TSPAN18: variants seen among roughly 807,000 people sequenced by gnomAD.
The protein encoded by TSPAN18 is tetraspanin-18.
In TSPAN18, 14 loss-of-function variants were observed where a neutral mutation model predicts 27.3. The observed-to-expected ratio is 0.51, with a 90% CI of 0.34 to 0.80. The LOEUF is 0.80. TSPAN18 is among the 30% of genes least tolerant of loss of function. The pLI is 0.01. For missense variants in TSPAN18, 268 were observed against 323.9 expected, an observed-to-expected ratio of 0.83 and a Z score of 1.32; for synonymous variants, 143 against 136.5, an observed-to-expected ratio of 1.05 and a Z score of -0.33.
rs1490629534 is a variant in TSPAN18, at chr11:44,815,060, G to T, written c.-152-45268G>T. Among the ~76,000 whole-genome samples the T allele has an allele frequency of 2.6e-5, 4 of 152,284 alleles. No homozygotes were observed. In the East Asian group the frequency reaches 7.7e-4, roughly 29 times the overall value. On this transcript the variant is annotated intron_variant, in intron 2 of 9. Coordinates refer to ENST00000520358, the MANE Select transcript of TSPAN18 (RefSeq NM_130783.5). ...AGATAGAAAGGTGCTTGGCGTGGGA[G>T]CATGGCAGTGGGAAGATTAGAGTGG...
chr11:44,812,096 T>C (rs1856730444), intron 2 of TSPAN18, among the ~76,000 whole-genome samples: 2 of 152,214 alleles, frequency 1.3e-5, no homozygotes, highest in South Asian at 4.1e-4. Flanking sequence ...CCCAGGTCTC[T>C]GCCAGGTGGG....
chr11:44,822,583 C>T (rs1856949807), intron 2 of TSPAN18, among the ~76,000 whole-genome samples: 1 of 151,862 alleles, frequency 6.6e-6, no homozygotes, highest in South Asian at 2.1e-4. Context: ...CACATGACCA[C>T]ATAGGTGCAA....
chr11:44,788,603 A>G (rs577058692), intron 2 of TSPAN18, among the ~76,000 whole-genome samples: 45 of 151,988 alleles, frequency 3.0e-4, no homozygotes, highest in African/African-American at 1.1e-3. Flanking sequence ...GATTACAGGC[A>G]TGTGCCACCA....
intron 2 of TSPAN18, among the ~76,000 whole-genome samples, chr11:44,849,378 G>A (rs1181282817): frequency 6.6e-6 from 1 of 152,214 alleles, no homozygotes; most frequent in African/African-American, 2.4e-5. Flanking sequence ...GGAAGCAGAA[G>A]GCAGAAGAAG....
chr11:44,897,614 T>A, intron 3 of TSPAN18: 5 of 448,892 alleles, frequency 1.1e-5, no homozygotes, highest in South Asian at 9.4e-5. Context: ...TTTCATGAGC[T>A]CTAATGGGCC....
chr11:44,791,873 C>T (rs899897679), intron 2 of TSPAN18, among the ~76,000 whole-genome samples: 7 of 152,226 alleles, frequency 4.6e-5, no homozygotes, highest in Non-Finnish European at 1.0e-4. Flanking sequence ...TGTCACAGCA[C>T]TCACAGCAGA....
chr11:44,835,604 C>T (rs1305264892), intron 2 of TSPAN18, among the ~76,000 whole-genome samples: 1 of 150,830 alleles, frequency 6.6e-6, no homozygotes, highest in African/African-American at 2.4e-5. Context: ...TGTCTCTTCT[C>T]ACAAACACAT....
At chr11:44,893,440 A>G (rs1325140635) in intron 3 of TSPAN18, among the ~76,000 whole-genome samples, 1 of 152,236 alleles carries the variant, frequency 6.6e-6, no homozygotes, top group Non-Finnish European at 1.5e-5. Context: ...CAGGCACGCC[A>G]GGATCTCAGG....
chr11:44,897,595 C>G (rs946283330), intron 3 of TSPAN18, among the ~76,000 whole-genome samples: 1 of 152,204 alleles, frequency 6.6e-6, no homozygotes, highest in Non-Finnish European at 1.5e-5. Flanking sequence ...GCCTCAGGTG[C>G]TGAGAGCTTT....
At chr11:44,775,371 T>TAA (rs1465563542) in intron 2 of TSPAN18, among the ~76,000 whole-genome samples, 1 of 152,224 alleles carries the variant, frequency 6.6e-6, no homozygotes, top group Non-Finnish European at 1.5e-5. Flanking sequence ...CTTTACTTAA[T>TAA]AATAGGGAGA....
chr11:44,910,884 G>A (rs574888402), intron 5 of TSPAN18, among the ~76,000 whole-genome samples: 5 of 152,288 alleles, frequency 3.3e-5, no homozygotes, highest in African/African-American at 7.2e-5. Flanking sequence ...CTAAGGGTGT[G>A]CCTCCCATCT....
At chr11:44,807,962 C>T (rs1035305653) in intron 2 of TSPAN18, among the ~76,000 whole-genome samples, 5 of 152,142 alleles carry the variant, frequency 3.3e-5, no homozygotes, top group South Asian at 2.1e-4. Context: ...GGCTGAGTTC[C>T]GAGGCTCTGA....
chr11:44,909,846 G>T lies in TSPAN18; in HGVS notation c.205G>T (p.Gly69Cys). 6.2e-7 allele frequency: 1 copy of T among 1,613,978 alleles called. No individual in the cohort carries two copies. The highest frequency in any genetic ancestry group is 8.5e-7 in the Non-Finnish European group (1 of 1,179,990). ...CATGGGGGGCCTGCTCTTTCTGCTC[G>T]GCTTCCTGGGCTGCTGCGGGGCCGT... ...LAMGGLLFLLGFLGCCGAVRE... is the reference protein window; with the variant it reads ...LAMGGLLFLLCFLGCCGAVRE... Residue 69 changes from glycine to cysteine, a missense_variant, in exon 5 of 10, where the codon GGC becomes TGC. Physicochemically the swap from Gly to Cys is radical, Grantham distance 159. Transcript: ENST00000520358.
At chr11:44,916,665 T>C (rs1000186) in intron 5 of TSPAN18, among the ~76,000 whole-genome samples, 40,359 of 151,988 alleles carry the variant, frequency 0.27, 7,422 homozygotes, top group African/African-American at 0.52. Context: ...ACAGACAAGG[T>C]GGGCCCTGAG....
intron 1 of TSPAN18, among the ~76,000 whole-genome samples, chr11:44,734,882 C>T (rs1243357491): frequency 6.6e-6 from 1 of 152,180 alleles, no homozygotes; most frequent in Non-Finnish European, 1.5e-5. Flanking sequence ...ACATTTAGGG[C>T]TCCCCCAGCA....
rs530479524 is a variant in TSPAN18, at chr11:44,837,871, A to T, written c.-152-22457A>T. Among the ~76,000 whole-genome samples, 7 of 152,370 alleles carry T rather than the reference A, an allele frequency of 4.6e-5. No homozygotes were observed. The East Asian group carries it at 9.6e-4, about 21-fold the overall frequency. On this transcript the variant is annotated intron_variant, in intron 2 of 9. Coordinates refer to ENST00000520358, the MANE Select transcript of TSPAN18 (RefSeq NM_130783.5). Reference sequence around the variant, plus strand: ...TTTAAACAATGCTATTGCACACTTAATAACAGTATGGTGTACACATAACTT... The same window carrying T: ...TTTAAACAATGCTATTGCACACTTATTAACAGTATGGTGTACACATAACTT...
intron 8 of TSPAN18, among the ~76,000 whole-genome samples, chr11:44,925,094 T>G (rs1186306489): frequency 2.0e-5 from 3 of 152,182 alleles, no homozygotes; most frequent in Non-Finnish European, 2.9e-5. Flanking sequence ...AGCCCTTAAC[T>G]GGGCTCCCAG....
chr11:44,780,495 C>A (rs77473966), intron 2 of TSPAN18, among the ~76,000 whole-genome samples: 2,865 of 152,368 alleles, frequency 0.019, 105 homozygotes, highest in African/African-American at 0.065. Flanking sequence ...TTCATTCCAA[C>A]ACTTACTGAC....
chr11:44,909,511 C>T (rs1859627442), intron 4 of TSPAN18, 194 bp from the exon 5 acceptor site: 1 of 577,504 alleles, frequency 1.7e-6, no homozygotes, highest in Non-Finnish European at 3.0e-6. Context: ...AAGGTCACGG[C>T]AGCTAGAAAA....
Sources: allele counts gnomAD v4.1 joint callset (sites outside exome capture counted in the v4.1 genomes callset), GRCh38; gene constraint gnomAD v4.1.1; transcripts MANE v1.5; gene names NCBI Gene and HGNC (gene_info 2026-07-23, HGNC 2026-07-21).